The following ACAN variants were observed in gnomAD, a reference collection of about 807,000 sequenced individuals.
The protein encoded by ACAN is aggrecan.
In ACAN, 47 loss-of-function variants were observed where a neutral mutation model predicts 169.1. The ratio of observed to expected loss-of-function variants is 0.28; its 90% confidence interval spans 0.22 to 0.35. The LOEUF (loss-of-function observed/expected upper bound fraction) is 0.35, where lower values mean the gene tolerates loss of function less well. Among genes scored for constraint, ACAN ranks in the 10% least tolerant of loss-of-function variants. The pLI, the probability that ACAN is intolerant of heterozygous loss-of-function variation, is 1.00. For synonymous variants in ACAN, 1,115 were observed against 1,112.2 expected, an observed-to-expected ratio of 1.00 and a Z score of -0.05; for missense variants, 2,716 against 2,759.9, an observed-to-expected ratio of 0.98 and a Z score of 0.36.
intron 1 of ACAN, among the ~76,000 whole-genome samples, chr15:88,831,066 G>T (rs908877800): frequency 1.1e-4 from 16 of 152,158 alleles, no homozygotes; most frequent in Admixed American, 6.5e-4. Flanking sequence ...AAAAGAAGAA[G>T]TCTCACCTCG....
In ACAN at chr15:88,871,479, T is replaced by C. The variant is rs1443099251; in HGVS notation, c.7158T>C (p.Cys2386=). 3 of 1,613,790 alleles carry C rather than the reference T, an allele frequency of 1.9e-6. No individual in the cohort carries two copies. The East Asian group carries it at 6.7e-5, about 36-fold the overall frequency. ...RETWVDAERR[C]REQQSHLSSI... Reference sequence around the variant, plus strand: ...CCTGGGTGGATGCTGAGCGCCGGTGTCGGGAGCAGCAGTCACACCTGAGCA... The same window carrying C: ...CCTGGGTGGATGCTGAGCGCCGGTGCCGGGAGCAGCAGTCACACCTGAGCA... The change falls in exon 15 of 19, where the codon TGT becomes TGC. Residue 2386 remains cysteine (C), a synonymous_variant. Coordinates refer to ENST00000560601, the MANE Select transcript of ACAN (RefSeq NM_001369268.1). The surrounding 1 kb of genome is among the most constrained non-coding windows in gnomAD (Gnocchi z 7.8).
chr15:88,858,298 A>G lies in ACAN; in HGVS notation c.5713A>G (p.Ser1905Gly). The G allele has an allele frequency of 6.2e-7, 1 of 1,613,998 alleles. No homozygotes were observed. The highest frequency in any genetic ancestry group is 8.5e-7 in the Non-Finnish European group (1 of 1,179,896). The change falls in exon 12 of 19, where the codon AGT becomes GGT. Residue 1905 changes from serine to glycine, a missense_variant. Physicochemically the swap from Ser to Gly is moderately conservative, Grantham distance 56. Coordinates refer to ENST00000560601, the MANE Select transcript of ACAN (RefSeq NM_001369268.1). This position sits in a 1 kb window ranked among gnomAD's most constrained non-coding sequence, Gnocchi z 4.0. ...SGLPSGIAEVSGESSRAEIGS... is the reference protein window; with the variant it reads ...SGLPSGIAEVGGESSRAEIGS... Reference sequence around the variant, plus strand: ...CCTACCAAGTGGCATAGCTGAGGTCAGTGGAGAATCCTCCAGAGCTGAGAT... The same window carrying G: ...CCTACCAAGTGGCATAGCTGAGGTCGGTGGAGAATCCTCCAGAGCTGAGAT...
At chr15:88,823,413 G>T (rs545384603) in intron 1 of ACAN, among the ~76,000 whole-genome samples, 13 of 148,298 alleles carry the variant, frequency 8.8e-5, no homozygotes, top group African/African-American at 1.2e-4. Context: ...TTTTTTGGTG[G>T]TTTTTTTTTT....
chr15:88,827,978 A>G (rs1055740121), intron 1 of ACAN, among the ~76,000 whole-genome samples: 4 of 152,018 alleles, frequency 2.6e-5, no homozygotes, highest in Non-Finnish European at 5.9e-5. Context: ...CATCGCACCC[A>G]CCCATGCACA....
chr15:88,849,237 C>G lies in ACAN; in HGVS notation c.1733-201C>G, dbSNP rs1396009310. ...GTCCTATGTACCGGGAAACCCCAGTCCAGTACAAACCAGAGCGGTGGTCAC... is the reference window on the plus strand; with the variant it reads ...GTCCTATGTACCGGGAAACCCCAGTGCAGTACAAACCAGAGCGGTGGTCAC... On this transcript the variant is annotated intron_variant, in intron 9 of 18. Transcript: ENST00000560601. This position sits in a 1 kb window ranked among gnomAD's most constrained non-coding sequence, Gnocchi z 5.1. Among the ~76,000 whole-genome samples the G allele has an allele frequency of 6.6e-6, 1 of 152,182 alleles. No individual in the cohort carries two copies. Among genetic ancestry groups the G allele is most frequent in the African/African-American group, 2.4e-5 (1 of 41,436 alleles).
chr15:88,871,891 G>A lies in ACAN; in HGVS notation c.7220-112G>A. 2.0e-6 allele frequency: 2 copies of A among 998,678 alleles called. No homozygotes were observed. The highest frequency in any genetic ancestry group is 2.7e-5 in the South Asian group (2 of 75,000). 61.9% of individuals were successfully genotyped at this position (998,678 alleles called of 1,614,324 possible). The stretch of plus-strand genomic sequence containing the variant: ...TGAGAAGCACGTGCCTTGCTCCTAG[G>A]AGCCCACCCACCTCCTTTCCTCCTC... On this transcript the variant is annotated intron_variant, in intron 15 of 18. Coordinates refer to ENST00000560601, the MANE Select transcript of ACAN (RefSeq NM_001369268.1). The surrounding 1 kb of genome is among the most constrained non-coding windows in gnomAD (Gnocchi z 7.8).
intron 1 of ACAN, among the ~76,000 whole-genome samples, chr15:88,821,803 G>C (rs984019364): frequency 6.6e-6 from 1 of 152,164 alleles, no homozygotes; most frequent in African/African-American, 2.4e-5. Flanking sequence ...AGGTGTCCAA[G>C]TCCACCCTCT....
At chr15:88,846,396 C>T (rs1896792671) in intron 7 of ACAN, among the ~76,000 whole-genome samples, 1 of 151,980 alleles carries the variant, frequency 6.6e-6, no homozygotes, top group Non-Finnish European at 1.5e-5. Context: ...TAGTTAGGGG[C>T]AAAAAGTCAA....
intron 13 of ACAN, among the ~76,000 whole-genome samples, chr15:88,867,763 G>A (rs759949896): frequency 1.3e-5 from 2 of 152,280 alleles, no homozygotes; most frequent in Non-Finnish European, 2.9e-5. Flanking sequence ...TACAAAGGAA[G>A]CCAGGAAAAG....
Position 88,847,271 on chromosome 15 carries a change from C to G in ACAN, c.1458C>G (p.Pro486=). The G allele has an allele frequency of 6.4e-7, 1 of 1,563,662 alleles. No homozygotes were observed. The highest frequency in any genetic ancestry group is 1.2e-5 in the South Asian group (1 of 84,692). The change falls in exon 8 of 19, where the codon CCC becomes CCG. Residue 486 remains proline, a synonymous_variant. Coordinates refer to ENST00000560601, the MANE Select transcript of ACAN (RefSeq NM_001369268.1). ...TCGTCTTCCACTACCGCCCGGGACCCACCCGCTACTCGCTGACCTTTGAGG... is the reference window on the plus strand; with the variant it reads ...TCGTCTTCCACTACCGCCCGGGACCGACCCGCTACTCGCTGACCTTTGAGG... ...GGVVFHYRPG[P]TRYSLTFEEA...
chr15:88,819,630 G>T lies in ACAN; in HGVS notation c.-8+15821G>T, dbSNP rs530441753. ...AAAAAAAAAAAAATAGCTTGGTGTG[G>T]TGGCTCACACCTGTAGTTCCAGCTA... On this transcript the variant is annotated intron_variant, in intron 1 of 18. Transcript: ENST00000560601. Among the ~76,000 whole-genome samples the T allele has an allele frequency of 4.7e-3, 715 of 151,286 alleles. 2 individuals are homozygous for T. The highest frequency in any genetic ancestry group is 7.6e-3 in the Non-Finnish European group (513 of 67,888).
chr15:88,811,598 G>T (rs188173005), intron 1 of ACAN, among the ~76,000 whole-genome samples: 13 of 152,294 alleles, frequency 8.5e-5, no homozygotes, highest in Non-Finnish European at 4.4e-5. Context: ...TTCACTGTGG[G>T]GTGGGGTGGG....
intron 12 of ACAN, among the ~76,000 whole-genome samples, chr15:88,860,071 C>CTTTT: frequency 9.4e-6 from 1 of 105,886 alleles, no homozygotes; most frequent in African/African-American, 7.0e-5. Flanking sequence ...AGCTGATTTT[C>CTTTT]CTTTTTTTTT....
intron 1 of ACAN, among the ~76,000 whole-genome samples, chr15:88,819,600 C>CAAAAA (rs35471694): frequency 1.8e-5 from 2 of 111,120 alleles, no homozygotes; most frequent in African/African-American, 3.4e-5. Context: ...CTCGTCTCTA[C>CAAAAA]AAAAAAAAAA....
rs926524459 is a variant in ACAN at position 88,866,385 on chromosome 15, G to T, written c.6947-1831G>T. On this transcript the variant is annotated intron_variant, in intron 13 of 18. Coordinates refer to ENST00000560601, the MANE Select transcript of ACAN (RefSeq NM_001369268.1). This position sits in a 1 kb window ranked among gnomAD's most constrained non-coding sequence, Gnocchi z 5.6. ...GACGCTAATGGATAAAAGAGAACAGGCAGGAGAGCCGCCCCCAGCTTCCGC... is the reference window on the plus strand; with the variant it reads ...GACGCTAATGGATAAAAGAGAACAGTCAGGAGAGCCGCCCCCAGCTTCCGC... Among the ~76,000 whole-genome samples the T allele has an allele frequency of 2.0e-5, 3 of 152,162 alleles. No homozygotes were observed. The highest frequency in any genetic ancestry group is 4.4e-5 in the Non-Finnish European group (3 of 68,036).
At chr15:88,860,266 A>T in intron 12 of ACAN, 60 bp from the exon 13 acceptor site, 1 of 1,275,312 alleles carries the variant, frequency 7.8e-7, no homozygotes. Flanking sequence ...GAGGTCTTGG[A>T]GGCCATGGTA....
intron 1 of ACAN, among the ~76,000 whole-genome samples, chr15:88,808,387 C>T (rs1413780856): frequency 6.6e-6 from 1 of 152,218 alleles, no homozygotes; most frequent in Non-Finnish European, 1.5e-5. Context: ...CTTTCAGCAG[C>T]ACTTGCTACA....
In ACAN at chr15:88,858,131, G is replaced by T. The variant is rs34124958; in HGVS notation, c.5546G>T (p.Gly1849Val). Residue 1849 changes from glycine to valine, a missense_variant, in exon 12 of 19, where the codon GGC (glycine) becomes GTC (valine). Coordinates refer to ENST00000560601, the MANE Select transcript of ACAN (RefSeq NM_001369268.1). The surrounding 1 kb of genome is among the most constrained non-coding windows in gnomAD (Gnocchi z 4.0). ...CCTACTACATTTAAAGAAGAAGAAG[G>T]CTTAGGGTCTGTGGAACTCAGTGGC... is the stretch of plus-strand genomic sequence containing the variant. ...VAPTTFKEEE[G>V]LGSVELSGLP... The T allele has an allele frequency of 5.3e-3, 8,547 of 1,613,780 alleles. 387 individuals carry two copies. In the African/African-American group the frequency reaches 0.1, roughly 19 times the overall value.
At position 88,814,130 on chromosome 15, in the gene ACAN, G is replaced by A. The variant is rs954683763; in HGVS notation, c.-8+10321G>A. ...CTTCGTCAGCAGCCATCCCTCATCA[G>A]CAGTGTGACCTTGACAGAGTTGATT... On this transcript the variant is annotated intron_variant, in intron 1 of 18. Transcript: ENST00000560601. The surrounding 1 kb of genome is among the most constrained non-coding windows in gnomAD (Gnocchi z 4.0). 6.6e-6 allele frequency among the ~76,000 whole-genome samples: 1 copy of A among 152,214 alleles called. No homozygotes were observed. The highest frequency in any genetic ancestry group is 1.5e-5 in the Non-Finnish European group (1 of 68,024).
Sources: gnomAD v4.1 joint callset for allele counts (sites outside exome capture counted in the v4.1 genomes callset) on GRCh38, gnomAD v4.1.1 for gene constraint, Gnocchi (gnomAD v3.1) non-coding constraint, MANE v1.5 for transcripts, NCBI Gene and HGNC (gene_info 2026-07-23, HGNC 2026-07-21) for gene names.